PDE6D: variants seen among roughly 807,000 people sequenced by gnomAD.
The protein encoded by PDE6D is retinal rod rhodopsin-sensitive cGMP 3',5'-cyclic phosphodiesterase subunit delta.
Under a neutral mutation model 21.9 loss-of-function variants are expected in PDE6D, and 10 were observed. That is an observed-to-expected ratio of 0.46 (90% CI 0.28 to 0.78). The LOEUF is 0.78. Among genes scored for constraint, PDE6D ranks in the 30% least tolerant of loss-of-function variants. PDE6D has a pLI of 0.12. For synonymous variants in PDE6D, 59 were observed against 63.5 expected (o/e 0.93, Z 0.34); for missense variants, 139 against 184.8 (o/e 0.75, Z 1.44).
chr2:231,759,300 A>T (rs1257749706), intron 1 of PDE6D, among the ~76,000 whole-genome samples: 1 of 152,166 alleles, frequency 6.6e-6, no homozygotes, highest in Non-Finnish European at 1.5e-5. Context: ...TGGGCGACAA[A>T]GTGAGACCCT....
At chr2:231,761,576 T>C (rs1244003420) in intron 1 of PDE6D, among the ~76,000 whole-genome samples, 1 of 152,188 alleles carries the variant, frequency 6.6e-6, no homozygotes, top group African/African-American at 2.4e-5. Flanking sequence ...AACAGTCTTG[T>C]TTAACTTAAC....
chr2:231,757,716 T>G (rs990398677), intron 1 of PDE6D, among the ~76,000 whole-genome samples: 4 of 152,238 alleles, frequency 2.6e-5, no homozygotes, highest in African/African-American at 9.6e-5. Flanking sequence ...TTAATGATAA[T>G]GAGAAAATGT....
chr2:231,780,965 T>C, intron 1 of PDE6D, 100 bp downstream of exon 1: 1 of 1,085,108 alleles, frequency 9.2e-7, no homozygotes, highest in Non-Finnish European at 1.4e-6. Flanking sequence ...GCCCTTCTTC[T>C]GTGGGGCCCA....
At chr2:231,774,690 G>A (rs1291518790) in intron 1 of PDE6D, among the ~76,000 whole-genome samples, 1 of 151,710 alleles carries the variant, frequency 6.6e-6, no homozygotes, top group Non-Finnish European at 1.5e-5. Context: ...CCAGGTTCAA[G>A]TGATTCTTCT....
intron 1 of PDE6D, among the ~76,000 whole-genome samples, chr2:231,745,663 G>C (rs148919272): frequency 1.3e-5 from 2 of 152,306 alleles, no homozygotes; most frequent in African/African-American, 4.8e-5. Context: ...TTAAAAGTAA[G>C]CTTCAGAACA....
At chr2:231,765,707 A>T (rs2048965685) in intron 1 of PDE6D, among the ~76,000 whole-genome samples, 1 of 152,158 alleles carries the variant, frequency 6.6e-6, no homozygotes, top group South Asian at 2.1e-4. Context: ...ACTAGCAGTA[A>T]ACAAAGGGAG....
chr2:231,747,842 C>T (rs970477762), intron 1 of PDE6D, among the ~76,000 whole-genome samples: 3 of 152,172 alleles, frequency 2.0e-5, no homozygotes, highest in African/African-American at 7.2e-5. Flanking sequence ...TGGCACCTCC[C>T]TTGAGAGGTT....
intron 2 of PDE6D, 110 bp from the exon 3 acceptor site, chr2:231,738,248 C>T (rs762079200): frequency 2.3e-5 from 23 of 1,021,934 alleles, no homozygotes; most frequent in Non-Finnish European, 3.2e-5. Context: ...CACTTTCTTA[C>T]AGCTGATTTA....
At chr2:231,752,341 G>A (rs1474119622) in intron 1 of PDE6D, among the ~76,000 whole-genome samples, 4 of 152,206 alleles carry the variant, frequency 2.6e-5, no homozygotes, top group African/African-American at 9.6e-5. Context: ...ACCTGCCTGA[G>A]ATTTAATTTG....
chr2:231,750,646 A>G (rs992028128), intron 1 of PDE6D, among the ~76,000 whole-genome samples: 1 of 141,310 alleles, frequency 7.1e-6, no homozygotes, highest in Non-Finnish European at 1.5e-5. Context: ...GGTGTGTGCC[A>G]CCATGCTCAT....
chr2:231,766,501 G>A (rs1464974), intron 1 of PDE6D, among the ~76,000 whole-genome samples: 114,057 of 152,042 alleles, frequency 0.75, 44,284 homozygotes, highest in East Asian at 0.99. Flanking sequence ...TCCTGACTGA[G>A]GAAGAAATAA....
At chr2:231,743,228 A>G (rs2106265059) in intron 1 of PDE6D, among the ~76,000 whole-genome samples, 1 of 152,214 alleles carries the variant, frequency 6.6e-6, no homozygotes, top group South Asian at 2.1e-4. Flanking sequence ...GATCAAGACC[A>G]TCTTGGCCAA....
intron 4 of PDE6D, among the ~76,000 whole-genome samples, chr2:231,734,722 CTGTAG>C (rs1340633882): frequency 6.7e-6 from 1 of 150,190 alleles, no homozygotes; most frequent in Non-Finnish European, 1.5e-5. Context: ...TGGCGGGTGC[CTGTAG>C]TCTCAGCTAC....
At chr2:231,780,124 C>T (rs1336753705) in intron 1 of PDE6D, among the ~76,000 whole-genome samples, 1 of 152,180 alleles carries the variant, frequency 6.6e-6, no homozygotes, top group Non-Finnish European at 1.5e-5. Flanking sequence ...CAGACTAACA[C>T]ACTCCACGAA....
chr2:231,749,647 T>A (rs981493988), intron 1 of PDE6D, among the ~76,000 whole-genome samples: 1 of 152,090 alleles, frequency 6.6e-6, no homozygotes, highest in African/African-American at 2.4e-5. Context: ...TTCTTCTGCC[T>A]CAGCCTCTCA....
chr2:231,762,517 G>C (rs1360949890), intron 1 of PDE6D, among the ~76,000 whole-genome samples: 1 of 151,790 alleles, frequency 6.6e-6, no homozygotes. Context: ...GCTAATGTTT[G>C]TATTTTTAGT....
intron 1 of PDE6D, among the ~76,000 whole-genome samples, chr2:231,776,587 C>T (rs545019232): frequency 2.3e-4 from 35 of 152,264 alleles, no homozygotes; most frequent in African/African-American, 8.4e-4. Flanking sequence ...TTAAAAAATG[C>T]ATTGCTTTTG....
intron 1 of PDE6D, among the ~76,000 whole-genome samples, chr2:231,752,957 G>A (rs993101312): frequency 6.7e-6 from 1 of 148,848 alleles, no homozygotes; most frequent in Non-Finnish European, 1.5e-5. Context: ...TCAGCATCTC[G>A]AGTAGCTGGG....
At position 231,781,077 on chromosome 2, in the gene PDE6D, C is replaced by A. The variant is rs955123559; in HGVS notation, c.38G>T (p.Arg13Met). The change falls in exon 1 of 5, where the codon AGG becomes ATG. Residue 13 changes from arginine to methionine, a missense_variant. Physicochemically the swap from Arg to Met is moderately conservative, Grantham distance 91. Coordinates refer to ENST00000287600, the MANE Select transcript of PDE6D (RefSeq NM_002601.4). ...AKDERAREIL[R>M]GFKLNWMNLR... ...CCCGGACGGATACAGTTTGAAGCCC[C>A]TCAGGATCTCCCTGGCCCGCTCGTC... The A allele has an allele frequency of 1.9e-6, 3 of 1,613,388 alleles. No individual in the cohort carries two copies. In the African/African-American group the frequency reaches 4.0e-5, roughly 22 times the overall value.
Sources: allele counts gnomAD v4.1 joint callset (sites outside exome capture counted in the v4.1 genomes callset), GRCh38; gene constraint gnomAD v4.1.1; transcripts MANE v1.5; gene names NCBI Gene and HGNC (gene_info 2026-07-23, HGNC 2026-07-21).